Variants in ATP9B observed in about 807,000 individuals in gnomAD.
ATP9B encodes probable phospholipid-transporting ATPase IIB.
ATP9B carries 110 observed loss-of-function variants against 146.1 expected under a neutral mutation model. That is an observed-to-expected ratio of 0.75 (90% CI 0.65 to 0.88). ATP9B has a LOEUF of 0.88. Ranked by LOEUF, ATP9B falls within the 40% of genes least tolerant of loss-of-function variation. The pLI, the probability that ATP9B is intolerant of heterozygous loss-of-function variation, is 0.00. For missense variants in ATP9B, 1,499 were observed against 1,496.4 expected, an observed-to-expected ratio of 1.00 and a Z score of -0.03; for synonymous variants, 604 against 569.7, an observed-to-expected ratio of 1.06 and a Z score of -0.86.
intron 12 of ATP9B, among the ~76,000 whole-genome samples, chr18:79,255,486 C>G (rs557197224): frequency 1.3e-5 from 2 of 152,346 alleles, no homozygotes; most frequent in African/African-American, 4.8e-5. Context: ...GAGCCCTAAT[C>G]TCCATTGTTG....
In ATP9B at chr18:79,124,262, G is replaced by C. The variant is rs180794353; in HGVS notation, c.559-2005G>C. On this transcript the variant is annotated intron_variant, in intron 4 of 29. Coordinates refer to ENST00000426216, the MANE Select transcript of ATP9B (RefSeq NM_198531.5). ...GGAAATCTTCTAAAATTAGATGATG[G>C]TGACGGTTGTACAACTCTGTGAAGG... is the stretch of plus-strand genomic sequence containing the variant. Among the ~76,000 whole-genome samples the C allele has an allele frequency of 2.2e-4, 34 of 152,318 alleles. No individual in the cohort carries two copies. The East Asian group carries it at 6.4e-3, about 28-fold the overall frequency.
chr18:79,094,401 C>T (rs2074610479), intron 1 of ATP9B, among the ~76,000 whole-genome samples: 1 of 152,142 alleles, frequency 6.6e-6, no homozygotes, highest in African/African-American at 2.4e-5. Context: ...TCAGGGTTTT[C>T]TCTCAGAGTT....
At chr18:79,107,720 A>G (rs1234258863) in intron 2 of ATP9B, among the ~76,000 whole-genome samples, 1 of 152,042 alleles carries the variant, frequency 6.6e-6, no homozygotes, top group Non-Finnish European at 1.5e-5. Flanking sequence ...TTTTTTTCCC[A>G]TCATCTCTTG....
At chr18:79,082,712 T>G (rs2073395180) in intron 1 of ATP9B, among the ~76,000 whole-genome samples, 1 of 152,222 alleles carries the variant, frequency 6.6e-6, no homozygotes, top group African/African-American at 2.4e-5. Flanking sequence ...CAGATCCTGT[T>G]TACCTGGGTT....
intron 14 of ATP9B, among the ~76,000 whole-genome samples, chr18:79,305,090 C>A (rs1197437949): frequency 1.3e-5 from 2 of 152,220 alleles, no homozygotes; most frequent in Non-Finnish European, 2.9e-5. Flanking sequence ...CCCAGCGCTG[C>A]ATGGCACTGC....
chr18:79,241,604 C>G (rs866600625), intron 11 of ATP9B, among the ~76,000 whole-genome samples: 3 of 152,232 alleles, frequency 2.0e-5, no homozygotes, highest in Non-Finnish European at 4.4e-5. Context: ...TATTTTGCCA[C>G]AAGACAATTC....
intron 13 of ATP9B, among the ~76,000 whole-genome samples, chr18:79,296,486 A>G (rs1191886626): frequency 1.3e-5 from 2 of 152,270 alleles, no homozygotes; most frequent in Non-Finnish European, 2.9e-5. Flanking sequence ...TGCAACGTCA[A>G]TAACGAGGTA....
chr18:79,276,613 C>T (rs1055016309), intron 12 of ATP9B, among the ~76,000 whole-genome samples: 3 of 152,162 alleles, frequency 2.0e-5, no homozygotes, highest in African/African-American at 4.8e-5. Flanking sequence ...TTGTCCCTTG[C>T]GGGCATATAC....
chr18:79,207,519 G>A (rs768595905), intron 10 of ATP9B, among the ~76,000 whole-genome samples: 2 of 152,156 alleles, frequency 1.3e-5, no homozygotes, highest in Admixed American at 6.5e-5. Context: ...CATTGATGAT[G>A]ATGTTTGGAA....
At chr18:79,205,256 T>C (rs139485519) in intron 9 of ATP9B, among the ~76,000 whole-genome samples, 2 of 90,322 alleles carry the variant, frequency 2.2e-5, no homozygotes, top group African/African-American at 5.7e-5. Context: ...ACTGTTAGGA[T>C]TGGTTTAGAT....
intron 7 of ATP9B, among the ~76,000 whole-genome samples, chr18:79,175,954 C>G (rs1163035751): frequency 2.0e-5 from 3 of 152,208 alleles, no homozygotes; most frequent in Non-Finnish European, 4.4e-5. Context: ...TCTCTCCTCC[C>G]TCCCTTGTTC....
At chr18:79,124,980 G>A (rs1157038764) in intron 4 of ATP9B, among the ~76,000 whole-genome samples, 2 of 152,166 alleles carry the variant, frequency 1.3e-5, no homozygotes, top group Non-Finnish European at 2.9e-5. Context: ...AGAATGTGGT[G>A]TCCAGGAAGC....
At chr18:79,164,666 C>T (rs2094938171) in intron 7 of ATP9B, among the ~76,000 whole-genome samples, 1 of 152,150 alleles carries the variant, frequency 6.6e-6, no homozygotes. Flanking sequence ...TTGCAGTGAG[C>T]TGAGATCGCG....
At chr18:79,332,319 CT>C (rs1268923566) in intron 17 of ATP9B, among the ~76,000 whole-genome samples, 3 of 152,208 alleles carry the variant, frequency 2.0e-5, no homozygotes, top group Non-Finnish European at 4.4e-5. Context: ...GTCCCAGCTA[CT>C]TGGGAGGCTG....
At chr18:79,360,665 T>C (rs1050912637) in intron 26 of ATP9B, 6 of 152,206 alleles carry the variant, frequency 3.9e-5, no homozygotes, top group African/African-American at 1.4e-4. Context: ...GTTATTGAAA[T>C]GAAATAAAGA....
At chr18:79,340,220 C>T (rs2096850989) in intron 19 of ATP9B, 1 of 152,190 alleles carries the variant, frequency 6.6e-6, no homozygotes, top group African/African-American at 2.4e-5. Flanking sequence ...ATATCCCTTG[C>T]ATTAAAATTT....
chr18:79,308,467 G>T (rs1299607090), intron 15 of ATP9B, among the ~76,000 whole-genome samples: 1 of 152,206 alleles, frequency 6.6e-6, no homozygotes, highest in East Asian at 1.9e-4. Context: ...GTCACAAATG[G>T]CAGGAAGGAG....
chr18:79,245,315 G>A (rs2095933575), intron 11 of ATP9B, among the ~76,000 whole-genome samples: 1 of 152,192 alleles, frequency 6.6e-6, no homozygotes, highest in Non-Finnish European at 1.5e-5. Flanking sequence ...GATGTTGCAT[G>A]TTGAGGTTTC....
chr18:79,167,284 G>A (rs1273690731), intron 7 of ATP9B, among the ~76,000 whole-genome samples: 2 of 152,188 alleles, frequency 1.3e-5, no homozygotes, highest in Admixed American at 1.3e-4. Flanking sequence ...GAAGAACAAG[G>A]TATATGGACA....
Sources: gnomAD v4.1 joint callset for allele counts (sites outside exome capture counted in the v4.1 genomes callset) on GRCh38, gnomAD v4.1.1 for gene constraint, MANE v1.5 for transcripts, NCBI Gene and HGNC (gene_info 2026-07-23, HGNC 2026-07-21) for gene names.